Variants in CGGBP1 observed in about 807,000 individuals in gnomAD.
CGGBP1 encodes CGG triplet repeat binding protein 1, also known as CGG triplet repeat-binding protein 1.
In CGGBP1, 4 loss-of-function variants were observed where a neutral mutation model predicts 11.4. The observed-to-expected ratio is 0.35, with a 90% CI of 0.17 to 0.80. CGGBP1 has a LOEUF of 0.80. CGGBP1 is among the 30% of genes least tolerant of loss of function. The probability of loss-of-function intolerance (pLI) is 0.52; values close to 1 mark genes in which losing one functional copy is unlikely to be tolerated. For synonymous variants in CGGBP1, 76 were observed against 74.1 expected (o/e 1.03, Z -0.13); for missense variants, 135 against 202.1 (o/e 0.67, Z 2.01).
At chr3:88,109,494 A>G (rs1704960000) in intron 2 of CGGBP1, among the ~76,000 whole-genome samples, 1 of 152,108 alleles carries the variant, frequency 6.6e-6, no homozygotes, top group African/African-American at 2.4e-5. Context: ...TTTTATTTGG[A>G]CAATTAAGTA....
intron 2 of CGGBP1, chr3:88,139,863 T>A (rs368811288): frequency 1.2e-5 from 20 of 1,603,134 alleles, no homozygotes; most frequent in Non-Finnish European, 1.7e-5. Flanking sequence ...TGGAACTGTG[T>A]GCCATCCAAA....
At chr3:88,088,751 T>G (rs1708470990) in intron 2 of CGGBP1, among the ~76,000 whole-genome samples, 1 of 125,518 alleles carries the variant, frequency 8.0e-6, no homozygotes, top group African/African-American at 2.8e-5. Context: ...TATTTATGTA[T>G]GTATGTATGT....
chr3:88,090,692 C>T (rs1022610511), intron 2 of CGGBP1, among the ~76,000 whole-genome samples: 1 of 152,146 alleles, frequency 6.6e-6, no homozygotes, highest in African/African-American at 2.4e-5. Flanking sequence ...CCTATAACAA[C>T]ATCATTCTTG....
chr3:88,119,852 C>T (rs772209051), intron 2 of CGGBP1, among the ~76,000 whole-genome samples: 1 of 152,044 alleles, frequency 6.6e-6, no homozygotes, highest in Non-Finnish European at 1.5e-5. Flanking sequence ...TGGCAACTAC[C>T]AACTAATTTT....
At chr3:88,094,278 C>T (rs1395800925) in intron 2 of CGGBP1, among the ~76,000 whole-genome samples, 1 of 152,072 alleles carries the variant, frequency 6.6e-6, no homozygotes, top group Non-Finnish European at 1.5e-5. Flanking sequence ...TCGTTAGAAA[C>T]TTAGTATTGC....
At chr3:88,099,477 T>C (rs1704269859) in intron 2 of CGGBP1, among the ~76,000 whole-genome samples, 1 of 152,170 alleles carries the variant, frequency 6.6e-6, no homozygotes, top group African/African-American at 2.4e-5. Flanking sequence ...AAAAAACTAC[T>C]TTAAAGCTCA....
intron 2 of CGGBP1, among the ~76,000 whole-genome samples, chr3:88,096,917 T>G (rs373715356): frequency 1.3e-4 from 20 of 152,280 alleles, no homozygotes; most frequent in African/African-American, 4.6e-4. Context: ...ATTATCATTT[T>G]AGACAAATGC....
chr3:88,110,889 A>T (rs1447473548), intron 2 of CGGBP1, among the ~76,000 whole-genome samples: 2 of 152,004 alleles, frequency 1.3e-5, no homozygotes, highest in African/African-American at 4.8e-5. Flanking sequence ...TTTTGCCTTT[A>T]TTTGCTGTTA....
intron 2 of CGGBP1, among the ~76,000 whole-genome samples, chr3:88,119,897 C>T (rs1020826279): frequency 4.6e-5 from 7 of 151,954 alleles, no homozygotes; most frequent in South Asian, 2.1e-4. Context: ...ATGGTTTTAC[C>T]GTAGTTATGA....
intron 2 of CGGBP1, among the ~76,000 whole-genome samples, chr3:88,138,265 GT>G (rs1330555784): frequency 1.3e-5 from 2 of 151,990 alleles, no homozygotes; most frequent in Non-Finnish European, 2.9e-5. Flanking sequence ...CCCATAAGCA[GT>G]TTTTTTAAGC....
upstream of CGGBP1, chr3:88,059,559 C>A (rs866766832): frequency 1.4e-6 from 2 of 1,446,410 alleles, no homozygotes; most frequent in Non-Finnish European, 9.0e-7. Flanking sequence ...GGCCTCTCTG[C>A]GTCTCCTGGT....
At chr3:88,121,744 CAAAG>C (rs1004138731) in intron 2 of CGGBP1, among the ~76,000 whole-genome samples, 9 of 152,198 alleles carry the variant, frequency 5.9e-5, no homozygotes, top group African/African-American at 2.2e-4. Context: ...TACTGTATTT[CAAAG>C]ATTACGTTTT....
intron 2 of CGGBP1, among the ~76,000 whole-genome samples, chr3:88,115,113 G>A (rs1470656617): frequency 6.6e-6 from 1 of 152,136 alleles, no homozygotes; most frequent in East Asian, 1.9e-4. Flanking sequence ...TGTACATAAA[G>A]ATCACCTGGG....
At chr3:88,074,559 C>T (rs1707695130) in intron 2 of CGGBP1, among the ~76,000 whole-genome samples, 1 of 152,020 alleles carries the variant, frequency 6.6e-6, no homozygotes, top group African/African-American at 2.4e-5. Context: ...CCAGGCTGGC[C>T]TTGAACTCCT....
chr3:88,139,161 G>A (rs2107888117), intron 2 of CGGBP1: 1 of 1,338,654 alleles, frequency 7.5e-7, no homozygotes, highest in Non-Finnish European at 9.6e-7. Flanking sequence ...TTTGGATGAA[G>A]GGTTTGACTC....
chr3:88,145,990 T>C (rs1576365883), intron 1 of CGGBP1, among the ~76,000 whole-genome samples: 2 of 152,350 alleles, frequency 1.3e-5, no homozygotes, highest in African/African-American at 4.8e-5. Context: ...ATGTAGACCA[T>C]GAGTGGATCT....
In CGGBP1 at chr3:88,088,470, G is replaced by A. The variant is rs566203070; in HGVS notation, c.-228-30247C>T. 1.5e-3 allele frequency among the ~76,000 whole-genome samples: 230 copies of A among 152,266 alleles called. 2 individuals carry two copies. Among genetic ancestry groups the A allele is most frequent in the African/African-American group, 5.3e-3 (222 of 41,558 alleles). Reference sequence around the variant, plus strand: ...ACATTAAAAACATCAGTATCACGCTGTGTGAAAGGAATAATGAGATATGAA... The same window carrying A: ...ACATTAAAAACATCAGTATCACGCTATGTGAAAGGAATAATGAGATATGAA... On this transcript the variant is annotated intron_variant, in intron 2 of 3. Transcript: ENST00000462901.
chr3:88,094,611 G>A (rs1355367382), intron 2 of CGGBP1, among the ~76,000 whole-genome samples: 1 of 152,090 alleles, frequency 6.6e-6, no homozygotes, highest in African/African-American at 2.4e-5. Flanking sequence ...ACAAAAATTA[G>A]AGCAAAACAG....
At chr3:88,138,832 T>C (rs1209952964) in intron 2 of CGGBP1, 1 of 1,231,934 alleles carries the variant, frequency 8.1e-7, no homozygotes, top group African/African-American at 1.6e-5. Flanking sequence ...CCAAATGATT[T>C]GGAGATCCTC....
Sources: allele counts gnomAD v4.1 joint callset (sites outside exome capture counted in the v4.1 genomes callset), GRCh38; gene constraint gnomAD v4.1.1; transcripts MANE v1.5; gene names NCBI Gene and HGNC (gene_info 2026-07-23, HGNC 2026-07-21).